NBAS: variants seen among roughly 807,000 people sequenced by gnomAD.
The protein encoded by NBAS is NBAS subunit of NRZ tethering complex.
NBAS carries 219 observed loss-of-function variants against 302.5 expected under a neutral mutation model. The observed-to-expected ratio is 0.72, with a 90% CI of 0.65 to 0.81. The LOEUF (loss-of-function observed/expected upper bound fraction) is 0.81. NBAS is among the 30% of genes least tolerant of loss of function. The pLI, the probability that NBAS is intolerant of heterozygous loss-of-function variation, is 0.00. For synonymous variants in NBAS, 1,118 were observed against 1,021.6 expected, an observed-to-expected ratio of 1.09 and a Z score of -1.80; for missense variants, 2,932 against 2,841.6, an observed-to-expected ratio of 1.03 and a Z score of -0.72.
At chr2:14,844,595 C>A in the NBAS span, among the ~76,000 whole-genome samples, 1 of 152,158 alleles carries the variant, frequency 6.6e-6, no homozygotes, top group African/African-American at 2.4e-5. Flanking sequence ...ACCAAGTGGG[C>A]TCATGGGGTC....
the NBAS span, among the ~76,000 whole-genome samples, chr2:14,790,446 T>C: frequency 6.6e-6 from 1 of 152,296 alleles, no homozygotes; most frequent in East Asian, 1.9e-4. Context: ...TGTTTTGCAA[T>C]GTAAAAGCCA....
At chr2:15,269,034 T>C (rs1669200242) in intron 44 of NBAS, among the ~76,000 whole-genome samples, 2 of 151,940 alleles carry the variant, frequency 1.3e-5, no homozygotes, top group African/African-American at 2.4e-5. Flanking sequence ...CAGTGGAGAG[T>C]TCTGCCCTGG....
intron 50 of NBAS, among the ~76,000 whole-genome samples, 198 bp downstream of exon 50, chr2:15,186,544 G>GC (rs747655843): frequency 1.3e-5 from 2 of 152,004 alleles, no homozygotes; most frequent in African/African-American, 2.4e-5. Flanking sequence ...GGAAACGCTG[G>GC]CCCCCACAAA....
chr2:14,891,019 C>CCTT, the NBAS span, among the ~76,000 whole-genome samples: 1,836 of 152,290 alleles, frequency 0.012, 32 homozygotes, highest in African/African-American at 0.042. Context: ...AAAATTACCA[C>CCTT]CTTCTTTCTT....
chr2:15,361,912 G>A (rs565162453), intron 32 of NBAS, among the ~76,000 whole-genome samples: 45 of 151,950 alleles, frequency 3.0e-4, no homozygotes, highest in African/African-American at 5.3e-4. Flanking sequence ...CCCAGGAGGC[G>A]GAGGTTGCAG....
the NBAS span, among the ~76,000 whole-genome samples, chr2:15,011,388 A>G: frequency 6.6e-6 from 1 of 152,184 alleles, no homozygotes; most frequent in Non-Finnish European, 1.5e-5. Flanking sequence ...AAGAGCTAAA[A>G]AAAAAAGTAT....
chr2:15,203,587 T>C (rs1056797765), intron 48 of NBAS, among the ~76,000 whole-genome samples: 1 of 152,004 alleles, frequency 6.6e-6, no homozygotes, highest in Non-Finnish European at 1.5e-5. Flanking sequence ...AAATATAAAA[T>C]AGAATGACAA....
chr2:15,430,361 TATGATGATGATGACA>T (rs1677699560), intron 21 of NBAS, among the ~76,000 whole-genome samples: 1 of 152,242 alleles, frequency 6.6e-6, no homozygotes, highest in Non-Finnish European at 1.5e-5. Context: ...ATCACACTGA[TATGATGATGATGACA>T]ATGATGATGA....
intron 32 of NBAS, among the ~76,000 whole-genome samples, chr2:15,360,765 C>T (rs926293256): frequency 2.6e-5 from 4 of 151,246 alleles, no homozygotes; most frequent in African/African-American, 9.7e-5. Context: ...CACTTTCTTC[C>T]ACCTCCACCT....
intron 47 of NBAS, among the ~76,000 whole-genome samples, chr2:15,221,618 AC>A (rs1666952565): frequency 6.6e-6 from 1 of 152,250 alleles, no homozygotes; most frequent in Non-Finnish European, 1.5e-5. Flanking sequence ...AGAGAATAGA[AC>A]CAGGAAAGGC....
intron 47 of NBAS, among the ~76,000 whole-genome samples, chr2:15,229,192 A>AT (rs946984794): frequency 6.6e-6 from 1 of 151,656 alleles, no homozygotes; most frequent in African/African-American, 2.4e-5. Flanking sequence ...AAATACAAAA[A>AT]TTATCCGGGC....
In NBAS at chr2:15,241,760, A is replaced by G. The variant is rs186704510; in HGVS notation, c.5725-3074T>C. On this transcript the variant is annotated intron_variant, in intron 44 of 51. Coordinates refer to ENST00000281513, the MANE Select transcript of NBAS (RefSeq NM_015909.4). Reference sequence around the variant, plus strand: ...TCTCCCGTTGGTTTGTCATCTTCCTAATAAATTTGTCACATGTTTCCCTTT... The same window carrying G: ...TCTCCCGTTGGTTTGTCATCTTCCTGATAAATTTGTCACATGTTTCCCTTT... 2.0e-5 allele frequency among the ~76,000 whole-genome samples: 3 copies of G among 152,246 alleles called. No homozygotes were observed. In the East Asian group the frequency reaches 5.8e-4, roughly 29 times the overall value.
intron 16 of NBAS, among the ~76,000 whole-genome samples, chr2:15,468,974 T>G (rs1464420268): frequency 6.6e-6 from 1 of 152,288 alleles, no homozygotes; most frequent in Non-Finnish European, 1.5e-5. Flanking sequence ...TATTTGACCA[T>G]GAGATATATC....
At chr2:14,784,751 A>G in the NBAS span, among the ~76,000 whole-genome samples, 7 of 152,230 alleles carry the variant, frequency 4.6e-5, no homozygotes, top group East Asian at 5.8e-4. Flanking sequence ...GTCAGGTAGC[A>G]TGATGCCTCC....
At chr2:15,040,399 T>C in the NBAS span, among the ~76,000 whole-genome samples, 2 of 152,104 alleles carry the variant, frequency 1.3e-5, no homozygotes, top group Non-Finnish European at 2.9e-5. Flanking sequence ...TTTGTTCTGA[T>C]CAAAGAAGTC....
intron 35 of NBAS, among the ~76,000 whole-genome samples, chr2:15,338,375 C>T (rs1219116498): frequency 6.6e-6 from 1 of 152,168 alleles, no homozygotes; most frequent in Non-Finnish European, 1.5e-5. Context: ...CCACCTAACC[C>T]TTACTTATAG....
At chr2:15,244,449 T>C (rs1667998132) in intron 44 of NBAS, among the ~76,000 whole-genome samples, 1 of 152,104 alleles carries the variant, frequency 6.6e-6, no homozygotes, top group Non-Finnish European at 1.5e-5. Context: ...TAAGGCCCCT[T>C]ACCTACCCCA....
chr2:15,147,358 C>G, the NBAS span, among the ~76,000 whole-genome samples: 11 of 152,188 alleles, frequency 7.2e-5, no homozygotes, highest in East Asian at 1.9e-3. Context: ...CTTTGGGAGG[C>G]TGAAGCGGGT....
At chr2:15,412,779 AG>A (rs575888942) in intron 25 of NBAS, among the ~76,000 whole-genome samples, 3 of 152,142 alleles carry the variant, frequency 2.0e-5, no homozygotes, top group South Asian at 2.1e-4. Context: ...AGAGCCATGA[AG>A]GGGGGGCTCT....
Sources: gnomAD v4.1 joint callset for allele counts (sites outside exome capture counted in the v4.1 genomes callset) on GRCh38, gnomAD v4.1.1 for gene constraint, MANE v1.5 for transcripts, NCBI Gene and HGNC (gene_info 2026-07-23, HGNC 2026-07-21) for gene names.